IL11: variants seen among roughly 807,000 people sequenced by gnomAD.
IL11 encodes interleukin-11.
Under a neutral mutation model 18.1 loss-of-function variants are expected in IL11, and 17 were observed. That is an observed-to-expected ratio of 0.94 (90% CI 0.64 to 1.41). The LOEUF is 1.41. IL11 is among the 40% of genes most tolerant of loss of function. The probability of loss-of-function intolerance (pLI) is 0.00; values close to 1 mark genes in which losing one functional copy is unlikely to be tolerated. For missense variants in IL11, 309 were observed against 262.8 expected (o/e 1.18, Z -1.22); for synonymous variants, 144 against 134.1 (o/e 1.07, Z -0.51).
chr19:55,365,960 A>G lies in IL11; in HGVS notation c.*47T>C. ...GCCCCCAGTACTGAAATAAATAAAT[A>G]AATAAGATCTGGCTTTGGAAGGACG... On this transcript the variant is annotated 3_prime_UTR_variant, in exon 5 of 5. Transcript: ENST00000264563. The G allele has an allele frequency of 6.4e-7, 1 of 1,553,120 alleles. No homozygotes were observed. Among genetic ancestry groups the G allele is most frequent in the African/African-American group, 1.4e-5 (1 of 73,210 alleles).
In IL11 at chr19:55,366,171, G is replaced by A. The variant is rs760194547; in HGVS notation, c.436C>T (p.Arg146Cys). 4.8e-5 allele frequency: 71 copies of A among 1,491,622 alleles called. No individual in the cohort carries two copies. The highest frequency in any genetic ancestry group is 6.1e-5 in the Non-Finnish European group (68 of 1,117,932). 92.4% of individuals were successfully genotyped at this position (1,491,622 alleles called of 1,614,324 possible). A position where few individuals can be genotyped will look rare whatever the true frequency, so the allele number is the denominator to read the frequency against. ...GGGGGTGGCTGGGGCAGGGCCAGGC[G>A]GGACATCTGTGGGGAGAGGAGAGAG... ...LLRRLQLLMS[R>C]LALPQPPPDP... The change falls in exon 5 of 5, where the codon CGC becomes TGC. Residue 146 changes from arginine to cysteine, a missense_variant. Physicochemically the swap from Arg to Cys is radical, Grantham distance 180 (BLOSUM62 -3). Transcript: ENST00000264563. This position sits in a 1 kb window ranked among gnomAD's most constrained non-coding sequence, Gnocchi z 4.6.
Position 55,368,576 on chromosome 19 carries a change from G to T in IL11, c.181-7C>A. On this transcript the variant is annotated splice_region_variant and splice_polypyrimidine_tract_variant and intron_variant, in intron 2 of 4. Transcript: ENST00000264563. Reference sequence around the variant, plus strand: ...CAGCTGGGAATTTGTCCCTCTGGCAGGGAAAAAAGCTGTGAGGTGGCCCCT... The same window carrying T: ...CAGCTGGGAATTTGTCCCTCTGGCATGGAAAAAAGCTGTGAGGTGGCCCCT... 2 of 1,608,290 alleles carry T rather than the reference G, an allele frequency of 1.2e-6. No homozygotes were observed. Among genetic ancestry groups the T allele is most frequent in the Admixed American group, 1.7e-5 (1 of 59,226 alleles).
At chr19:55,368,437 A>C (rs779345481) in intron 3 of IL11, 46 bp downstream of exon 3, 1 of 1,577,658 alleles carries the variant, frequency 6.3e-7, no homozygotes, top group South Asian at 1.1e-5. Context: ...CGCCCCCTTC[A>C]CTGCCTGCCT....
rs369664481 is a variant in IL11 at position 55,370,318 on chromosome 19, C to A, written c.-8G>T. The A allele has an allele frequency of 6.9e-7, 1 of 1,457,464 alleles. No homozygotes were observed. The highest frequency in any genetic ancestry group is 9.1e-7 in the Non-Finnish European group (1 of 1,094,418). The allele number at this position is 1,457,464 out of a possible 1,614,324, so 90.3% of individuals were successfully genotyped here. A position where few individuals can be genotyped will look rare whatever the true frequency, so the allele number is the denominator to read the frequency against. On this transcript the variant is annotated 5_prime_UTR_variant, in exon 1 of 5. Transcript: ENST00000264563. ...AACCAACTTACAGTTCATGTCCCCA[C>A]AGGGCCAGGGGTTCCCCAGGGCAGG...
In IL11 at chr19:55,369,224, T is replaced by G; in HGVS notation, c.8-283A>C. 1.1e-5 allele frequency: 3 copies of G among 276,920 alleles called. No homozygotes were observed. The highest frequency in any genetic ancestry group is 1.4e-5 in the Non-Finnish European group (2 of 147,606). 17.2% of individuals were successfully genotyped at this position (276,920 alleles called of 1,614,324 possible). On this transcript the variant is annotated intron_variant, in intron 1 of 4. Coordinates refer to ENST00000264563, the MANE Select transcript of IL11 (RefSeq NM_000641.4). The surrounding 1 kb of genome is among the most constrained non-coding windows in gnomAD (Gnocchi z 6.1). ...CCAGGGTGGAACGCCCGCGGGCAGG[T>G]CGCAGGGCCAGGCGGGCTTCCCTCT... is the stretch of plus-strand genomic sequence containing the variant.
In IL11 at chr19:55,368,542, G is replaced by T. The variant is rs1569032364; in HGVS notation, c.208C>A (p.His70Asn). The T allele has an allele frequency of 2.5e-6, 4 of 1,612,870 alleles. No homozygotes were observed. Among genetic ancestry groups the T allele is most frequent in the Non-Finnish European group, 3.4e-6 (4 of 1,179,694 alleles). ...AGGGTGGGCAGGGAATCCAGGTTGT[G>T]GTCCCCGTCAGCTGGGAATTTGTCC... is the stretch of plus-strand genomic sequence containing the variant. The part of the protein sequence containing the change: ...LRDKFPADGD[H>N]NLDSLPTLAM... Residue 70 changes from histidine to asparagine, a missense_variant, in exon 3 of 5, where the codon CAC becomes AAC. By Grantham distance (68) the His-to-Asn change is moderately conservative (BLOSUM62 1). Transcript: ENST00000264563.
chr19:55,367,450 C>CTTT (rs980514763), intron 4 of IL11, among the ~76,000 whole-genome samples: 1,278 of 69,706 alleles, frequency 0.018, 57 homozygotes, highest in African/African-American at 0.03. Context: ...TCTTTTCCTT[C>CTTT]TTTTTTTTTT....
rs1006814215 is a variant in IL11, at chr19:55,369,677, C to A, written c.7+627G>T. ...TCCGGAGCTCGCTCCCCGCAGCCCA[C>A]CCCGGCCGCCCCGCCCACCCGGCCA... On this transcript the variant is annotated intron_variant, in intron 1 of 4. Coordinates refer to ENST00000264563, the MANE Select transcript of IL11 (RefSeq NM_000641.4). This position sits in a 1 kb window ranked among gnomAD's most constrained non-coding sequence, Gnocchi z 6.1. Among the ~76,000 whole-genome samples, 1 of 144,820 alleles carries A rather than the reference C, an allele frequency of 6.9e-6. No homozygotes were observed. The highest frequency in any genetic ancestry group is 2.5e-5 in the African/African-American group (1 of 40,368).
intron 1 of IL11, 133 bp downstream of exon 1, chr19:55,370,171 C>T: frequency 1.4e-6 from 1 of 716,636 alleles, no homozygotes; most frequent in Non-Finnish European, 2.5e-6. Flanking sequence ...GTCTCCGAAG[C>T]TGCTCTCCTC....
Position 55,365,973 on chromosome 19 carries a change from C to G in IL11, c.*34G>C. The G allele has an allele frequency of 3.8e-6, 6 of 1,571,444 alleles. No homozygotes were observed. In the South Asian group the frequency reaches 7.0e-5, roughly 18 times the overall value. ...AAATAAATAAATAAATAAGATCTGGCTTTGGAAGGACGGTGGTGGCTTTGG... is the reference window on the plus strand; with the variant it reads ...AAATAAATAAATAAATAAGATCTGGGTTTGGAAGGACGGTGGTGGCTTTGG... On this transcript the variant is annotated 3_prime_UTR_variant, in exon 5 of 5. Coordinates refer to ENST00000264563, the MANE Select transcript of IL11 (RefSeq NM_000641.4).
At position 55,365,747 on chromosome 19, in the gene IL11, A is replaced by C; in HGVS notation, c.*260T>G. 2.0e-6 allele frequency: 1 copy of C among 511,640 alleles called. No homozygotes were observed. Among genetic ancestry groups the C allele is most frequent in the Non-Finnish European group, 3.4e-6 (1 of 292,642 alleles). 31.7% of individuals were successfully genotyped at this position (511,640 alleles called of 1,614,324 possible). A position where few individuals can be genotyped will look rare whatever the true frequency, so the allele number is the denominator to read the frequency against. On this transcript the variant is annotated 3_prime_UTR_variant, in exon 5 of 5. Coordinates refer to ENST00000264563, the MANE Select transcript of IL11 (RefSeq NM_000641.4). The stretch of plus-strand genomic sequence containing the variant: ...AGCCAGGGCAGAAGTCTGTGGACAG[A>C]CTTCTTGGAGACCCAAGAATCCGGG...
chr19:55,370,027 G>A (rs2089812827), intron 1 of IL11, among the ~76,000 whole-genome samples: 1 of 152,052 alleles, frequency 6.6e-6, no homozygotes, highest in Non-Finnish European at 1.5e-5. Context: ...CTGCGTCCCT[G>A]CCCCTGCTCG....
In IL11 at chr19:55,366,298, G is replaced by A; in HGVS notation, c.430-121C>T. 1 of 1,055,364 alleles carries A rather than the reference G, an allele frequency of 9.5e-7. No homozygotes were observed. Among genetic ancestry groups the A allele is most frequent in the Non-Finnish European group, 1.3e-6 (1 of 765,912 alleles). 65.4% of individuals were successfully genotyped at this position (1,055,364 alleles called of 1,614,324 possible). A position where few individuals can be genotyped will look rare whatever the true frequency, so the allele number is the denominator to read the frequency against. Reference sequence around the variant, plus strand: ...ATTCACAGGGGGACTGTGGCGCGTGGGGTGAAGTGTTTAGGCCGGGAGCTC... The same window carrying A: ...ATTCACAGGGGGACTGTGGCGCGTGAGGTGAAGTGTTTAGGCCGGGAGCTC... On this transcript the variant is annotated intron_variant, in intron 4 of 4. Transcript: ENST00000264563. The surrounding 1 kb of genome is among the most constrained non-coding windows in gnomAD (Gnocchi z 4.6).
intron 4 of IL11, among the ~76,000 whole-genome samples, chr19:55,367,651 G>A (rs2089793985): frequency 6.6e-6 from 1 of 151,772 alleles, no homozygotes; most frequent in Non-Finnish European, 1.5e-5. Flanking sequence ...GTAGAGACAG[G>A]GTTTCACCAT....
At position 55,369,721 on chromosome 19, in the gene IL11, C is replaced by T. The variant is rs1481484734; in HGVS notation, c.7+583G>A. On this transcript the variant is annotated intron_variant, in intron 1 of 4. Transcript: ENST00000264563. The surrounding 1 kb of genome is among the most constrained non-coding windows in gnomAD (Gnocchi z 6.1). The stretch of plus-strand genomic sequence containing the variant: ...CCGGCCACCCGCCAGCCAATCAGCG[C>T]TCCCCGGCCGCCCGCGCCTCGCACA... Among the ~76,000 whole-genome samples the T allele has an allele frequency of 6.8e-6, 1 of 146,056 alleles. No homozygotes were observed. The highest frequency in any genetic ancestry group is 1.5e-5 in the Non-Finnish European group (1 of 65,856).
chr19:55,367,178 T>C (rs2089790765), intron 4 of IL11, among the ~76,000 whole-genome samples: 1 of 152,088 alleles, frequency 6.6e-6, no homozygotes, highest in South Asian at 2.1e-4. Flanking sequence ...GTCTCAGGGC[T>C]TTGGGCCTGG....
At chr19:55,370,200 G>A in intron 1 of IL11, 104 bp downstream of exon 1, 1 of 859,900 alleles carries the variant, frequency 1.2e-6, no homozygotes, top group Non-Finnish European at 1.9e-6. Context: ...CCTGTCTCCG[G>A]GTCCCTCTCT....
Position 55,367,987 on chromosome 19 carries a change from G to A in IL11, c.429+223C>T, listed in dbSNP as rs111885109. On this transcript the variant is annotated intron_variant, in intron 4 of 4. Coordinates refer to ENST00000264563, the MANE Select transcript of IL11 (RefSeq NM_000641.4). ...CAGGGTCTCAGGGCCACAGGATCTTGGGACTGCAGGGTCAGGGTCTCAGAG... is the reference window on the plus strand; with the variant it reads ...CAGGGTCTCAGGGCCACAGGATCTTAGGACTGCAGGGTCAGGGTCTCAGAG... Among the ~76,000 whole-genome samples the A allele has an allele frequency of 1.3e-4, 20 of 152,174 alleles. 1 individual carries two copies. The highest frequency in any genetic ancestry group is 4.6e-4 in the African/African-American group (19 of 41,508).
rs1294263755 is a variant in IL11 at position 55,369,845 on chromosome 19, T to C, written c.7+459A>G. On this transcript the variant is annotated intron_variant, in intron 1 of 4. Coordinates refer to ENST00000264563, the MANE Select transcript of IL11 (RefSeq NM_000641.4). The surrounding 1 kb of genome is among the most constrained non-coding windows in gnomAD (Gnocchi z 6.1). ...CCCCGCTTTCCCCCCGCGCCCAGTC[T>C]CTCTCCTCCCCCCGGCTGGGGTCGC... is the stretch of plus-strand genomic sequence containing the variant. 6.6e-6 allele frequency among the ~76,000 whole-genome samples: 1 copy of C among 150,692 alleles called. No individual in the cohort carries two copies. The highest frequency in any genetic ancestry group is 1.5e-5 in the Non-Finnish European group (1 of 67,572).
Sources: gnomAD v4.1 joint callset for allele counts (sites outside exome capture counted in the v4.1 genomes callset) on GRCh38, gnomAD v4.1.1 for gene constraint, Gnocchi (gnomAD v3.1) non-coding constraint, MANE v1.5 for transcripts, NCBI Gene and HGNC (gene_info 2026-07-23, HGNC 2026-07-21) for gene names.